MEPCE: variants seen among roughly 807,000 people sequenced by gnomAD.
MEPCE encodes the protein methylphosphate capping enzyme.
A neutral mutation model predicts 52.3 loss-of-function variants in MEPCE; 9 were observed. The ratio of observed to expected loss-of-function variants is 0.17; its 90% CI spans 0.10 to 0.30. The LOEUF is 0.30. Among genes scored for constraint, MEPCE ranks in the 10% least tolerant of loss-of-function variants. MEPCE has a pLI of 1.00. For missense variants in MEPCE, 826 were observed against 933.0 expected (o/e 0.89, Z 1.49); for synonymous variants, 477 against 401.6 (o/e 1.19, Z -2.25).
Position 100,431,419 on chromosome 7 carries a change from G to A in MEPCE, c.1401G>A (p.Pro467=). Residue 467 remains proline, a synonymous_variant, in exon 1 of 4, where the codon CCG becomes CCA. Transcript: ENST00000310512. ...LTLSIACKWG[P]SRMVGLDIDS... is the part of the protein sequence containing the mutation. ...TGAGCATTGCCTGCAAGTGGGGCCCGTCCCGCATGGTGGGCCTGGATATCG... is the reference window on the plus strand; with the variant it reads ...TGAGCATTGCCTGCAAGTGGGGCCCATCCCGCATGGTGGGCCTGGATATCG... The A allele has an allele frequency of 1.2e-6, 2 of 1,614,076 alleles. No individual in the cohort carries two copies. The highest frequency in any genetic ancestry group is 2.2e-5 in the East Asian group (1 of 44,888).
intron 1 of MEPCE, 59 bp from the exon 2 acceptor site, chr7:100,432,860 C>G: frequency 6.5e-7 from 1 of 1,527,574 alleles, no homozygotes; most frequent in Non-Finnish European, 9.1e-7. Flanking sequence ...AGCAGGTTGC[C>G]TGGGAGCAGG....
Position 100,433,399 on chromosome 7 carries a change from G to A in MEPCE, c.2017+10G>A, listed in dbSNP as rs746037824. 2.5e-6 allele frequency: 4 copies of A among 1,614,186 alleles called. No individual in the cohort carries two copies. The South Asian group carries it at 4.4e-5, about 18-fold the overall frequency. ...CACAACACCTCTAAAGGTAAGGCTG[G>A]TTTATTTTGTCAGGGAGGCTGGTCC... On this transcript the variant is annotated intron_variant, in intron 3 of 3. Coordinates refer to ENST00000310512, the MANE Select transcript of MEPCE (RefSeq NM_019606.6).
At chr7:100,429,724 G>A (rs1798476748), upstream of MEPCE, 1 of 326,496 alleles carries the variant, frequency 3.1e-6, no homozygotes, top group Admixed American at 4.9e-5. Flanking sequence ...CCCGGGCGAA[G>A]GGAACGCGCG....
rs755704736 is a variant in MEPCE, at chr7:100,430,304, G to A, written c.286G>A (p.Gly96Arg). 8.0e-5 allele frequency: 113 copies of A among 1,418,732 alleles called. No individual in the cohort carries two copies. The African/African-American group carries it at 1.6e-3, about 20-fold the overall frequency. 87.9% of individuals were successfully genotyped at this position (1,418,732 alleles called of 1,614,324 possible). A position where few individuals can be genotyped will look rare whatever the true frequency, so the allele number is the denominator to read the frequency against. Residue 96 changes from glycine (G) to arginine (R), a missense_variant, in exon 1 of 4, where the codon GGG (glycine) becomes AGG (arginine). Gly to Arg is a moderately radical substitution (Grantham distance 125). Around this residue, in one of 7 missense-constraint regions of MEPCE, gnomAD observed 314 missense variants for 277.7 expected, o/e 1.13. Coordinates refer to ENST00000310512, the MANE Select transcript of MEPCE (RefSeq NM_019606.6). Reference sequence around the variant, plus strand: ...GGGCGGCCCCCAGGCGCAGTCGCATGGGGAGGCCCGCCTGTCGGATCCCCC... The same window carrying A: ...GGGCGGCCCCCAGGCGCAGTCGCATAGGGAGGCCCGCCTGTCGGATCCCCC... ...RGGGPQAQSH[G>R]EARLSDPPGR... is the part of the protein sequence containing the mutation.
At position 100,433,485 on chromosome 7, in the gene MEPCE, ACTCT is replaced by A; in HGVS notation, c.2018-11_2018-8del. ...GAGGTGCTGCCAACCCCTTCTGATC[ACTCT>A]CTCTCCCCTCAGGCTTCCAGCGTCC... On this transcript the variant is annotated splice_polypyrimidine_tract_variant and intron_variant, in intron 3 of 3. Coordinates refer to ENST00000310512, the MANE Select transcript of MEPCE (RefSeq NM_019606.6). 1 of 1,612,404 alleles carries A rather than the reference ACTCT, an allele frequency of 6.2e-7. No individual in the cohort carries two copies.
intron 3 of MEPCE, 23 bp downstream of exon 3, chr7:100,433,412 G>T: frequency 1.9e-6 from 3 of 1,614,142 alleles, no homozygotes; most frequent in Non-Finnish European, 2.5e-6. Context: ...TATTTTGTCA[G>T]GGAGGCTGGT....
chr7:100,432,003 A>G (rs897408558), intron 1 of MEPCE, among the ~76,000 whole-genome samples: 1 of 152,158 alleles, frequency 6.6e-6, no homozygotes, highest in Non-Finnish European at 1.5e-5. Context: ...GCTGCTGCTC[A>G]CTAGGGAATT....
chr7:100,428,915 A>C (rs1476715278), upstream of MEPCE: 2 of 152,322 alleles, frequency 1.3e-5, no homozygotes, highest in Non-Finnish European at 2.9e-5. Flanking sequence ...GGTGATTGCG[A>C]TTGGGGGAAG....
rs760546814 is a variant in MEPCE, at chr7:100,431,195, G to GGCCGCC, written c.1178_1183dup (p.Arg394_His395insArgArg). Reference sequence around the variant, plus strand: ...GGAAAAGGGCCGAGGGAGTTGGGGAGGCCGCCACCACCACCACCACCCACT... The same window carrying GGCCGCC: ...GGAAAAGGGCCGAGGGAGTTGGGGAGGCCGCCGCCGCCACCACCACCACCACCCACT... On this transcript the variant is annotated inframe_insertion, in exon 1 of 4. Transcript: ENST00000310512. The GGCCGCC allele has an allele frequency of 1.2e-6, 2 of 1,613,644 alleles. No homozygotes were observed. Among genetic ancestry groups the GGCCGCC allele is most frequent in the Non-Finnish European group, 1.7e-6 (2 of 1,180,010 alleles).
chr7:100,429,781 G>A (rs1425052361), upstream of MEPCE: 6 of 389,064 alleles, frequency 1.5e-5, no homozygotes, highest in East Asian at 2.2e-4. Context: ...GAGGAGAAAG[G>A]GGTCGGCGCA....
At position 100,433,790 on chromosome 7, in the gene MEPCE, C is replaced by T. The variant is rs1798794062; in HGVS notation, c.*236C>T. 6.9e-6 allele frequency: 4 copies of T among 578,914 alleles called. No homozygotes were observed. Among genetic ancestry groups the T allele is most frequent in the Non-Finnish European group, 9.2e-6 (3 of 326,390 alleles). 35.9% of individuals were successfully genotyped at this position (578,914 alleles called of 1,614,324 possible). A position where few individuals can be genotyped will look rare whatever the true frequency, so the allele number is the denominator to read the frequency against. ...CCATCATCTTCCTCTCCCCCAGCCTCCCAGGCTGGATGGCATGGACTGTTT... is the reference window on the plus strand; with the variant it reads ...CCATCATCTTCCTCTCCCCCAGCCTTCCAGGCTGGATGGCATGGACTGTTT... On this transcript the variant is annotated 3_prime_UTR_variant, in exon 4 of 4. Transcript: ENST00000310512.
Position 100,431,346 on chromosome 7 carries a change from G to A in MEPCE, c.1328G>A (p.Arg443Gln), listed in dbSNP as rs1287835105. The A allele has an allele frequency of 1.9e-6, 3 of 1,614,174 alleles. No homozygotes were observed. Among genetic ancestry groups the A allele is most frequent in the East Asian group, 4.5e-5 (2 of 44,892 alleles). ...CGGGTGTTGAAGCCTGAGTGGTTTC[G>A]GGGCCGGGACGTCCTAGATCTGGGC... ...RLRVLKPEWF[R>Q]GRDVLDLGCN... Residue 443 changes from arginine (R) to glutamine (Q), a missense_variant, in exon 1 of 4, where the codon CGG (arginine) becomes CAG (glutamine). Arg to Gln is a conservative substitution (Grantham distance 43). Coordinates refer to ENST00000310512, the MANE Select transcript of MEPCE (RefSeq NM_019606.6).
Position 100,430,984 on chromosome 7 carries a change from C to A in MEPCE, c.966C>A (p.Ile322=), listed in dbSNP as rs764533627. ...AACCCTATGAACTCAACACAGCCAT[C>A]AACTGCAGGGATGAAGTGGTGTCTC... ...APQPYELNTA[I]NCRDEVVSPL... The change falls in exon 1 of 4, where the codon ATC becomes ATA. Residue 322 remains isoleucine (I), a synonymous_variant. Transcript: ENST00000310512. 6.2e-7 allele frequency: 1 copy of A among 1,612,802 alleles called. No individual in the cohort carries two copies. The highest frequency in any genetic ancestry group is 1.3e-5 in the African/African-American group (1 of 75,026).
chr7:100,431,460 A>G lies in MEPCE; in HGVS notation c.1442A>G (p.His481Arg). 2.5e-6 allele frequency: 4 copies of G among 1,613,664 alleles called. No individual in the cohort carries two copies. The highest frequency in any genetic ancestry group is 1.3e-5 in the African/African-American group (1 of 74,994). ...VGLDIDSRLI[H>R]SARQNIRHYL... ...CTGGATATCGATTCCCGGCTCATCC[A>G]TTCTGCCCGCCAAAACATCCGACAC... The change falls in exon 1 of 4, where the codon CAT becomes CGT. Residue 481 changes from histidine to arginine, a missense_variant. This residue lies in a region of MEPCE where 107 missense variants were observed against 157.9 expected (regional missense o/e 0.68). Coordinates refer to ENST00000310512, the MANE Select transcript of MEPCE (RefSeq NM_019606.6).
At position 100,431,131 on chromosome 7, in the gene MEPCE, G is replaced by A; in HGVS notation, c.1113G>A (p.Lys371=). 1.2e-6 allele frequency: 2 copies of A among 1,613,766 alleles called. No homozygotes were observed. Among genetic ancestry groups the A allele is most frequent in the Non-Finnish European group, 1.7e-6 (2 of 1,180,034 alleles). Residue 371 remains lysine (K), a synonymous_variant, in exon 1 of 4, where the codon AAG becomes AAA. Coordinates refer to ENST00000310512, the MANE Select transcript of MEPCE (RefSeq NM_019606.6). Reference sequence around the variant, plus strand: ...GCAAACGTCGCAGGACTTCCAGCAAGTCGGAGGCAGGGGCTAGGGGTGGAG... The same window carrying A: ...GCAAACGTCGCAGGACTTCCAGCAAATCGGAGGCAGGGGCTAGGGGTGGAG... The part of the protein sequence containing the change: ...RHRKRRRTSS[K]SEAGARGGGQ...
In MEPCE at chr7:100,433,035, G is replaced by C. The variant is rs201435626; in HGVS notation, c.1788G>C (p.Leu596=). The C allele has an allele frequency of 6.2e-7, 1 of 1,614,066 alleles. No homozygotes were observed. Among genetic ancestry groups the C allele is most frequent in the Non-Finnish European group, 8.5e-7 (1 of 1,180,032 alleles). ...ATCTGAACTGGGGAGACGAGGGCCT[G>C]AAGCGCATGTTTCGCCGGATCTACC... The part of the protein sequence containing the change: ...WVHLNWGDEG[L]KRMFRRIYRH... The change falls in exon 2 of 4, where the codon CTG becomes CTC. Residue 596 remains leucine (L), a synonymous_variant. Coordinates refer to ENST00000310512, the MANE Select transcript of MEPCE (RefSeq NM_019606.6).
chr7:100,431,852 TG>T (rs1180515320), intron 1 of MEPCE, among the ~76,000 whole-genome samples, 163 bp downstream of exon 1: 1 of 152,098 alleles, frequency 6.6e-6, no homozygotes, highest in Non-Finnish European at 1.5e-5. Flanking sequence ...CCTGGAAAGG[TG>T]GGGTGTCTAC....
Position 100,433,887 on chromosome 7 carries a change from C to CTAGCCCTTCTATT in MEPCE, c.*333_*334insTAGCCCTTCTATT. ...TTCTCTAGCCCTTTCCTCCTATTCT[C>CTAGCCCTTCTATT]CCAAGGAGAGAGATTCCCATTTCTC... is the stretch of plus-strand genomic sequence containing the variant. On this transcript the variant is annotated 3_prime_UTR_variant, in exon 4 of 4. Coordinates refer to ENST00000310512, the MANE Select transcript of MEPCE (RefSeq NM_019606.6). The CTAGCCCTTCTATT allele has an allele frequency of 5.8e-6, 2 of 343,082 alleles. No individual in the cohort carries two copies. The highest frequency in any genetic ancestry group is 4.4e-5 in the South Asian group (1 of 22,780). The allele number at this position is 343,082 out of a possible 1,614,324, so 21.3% of individuals were successfully genotyped here. A position where few individuals can be genotyped will look rare whatever the true frequency, so the allele number is the denominator to read the frequency against.
At chr7:100,433,410 C>T (rs761304401) in intron 3 of MEPCE, 21 bp downstream of exon 3, 1 of 1,614,146 alleles carries the variant, frequency 6.2e-7, no homozygotes, top group East Asian at 2.2e-5. Flanking sequence ...TTTATTTTGT[C>T]AGGGAGGCTG....
Sources: gnomAD v4.1 joint callset for allele counts (sites outside exome capture counted in the v4.1 genomes callset) on GRCh38, gnomAD v4.1.1 for gene constraint, gnomAD v4.1.1 regional missense constraint, MANE v1.5 for transcripts, NCBI Gene and HGNC (gene_info 2026-07-23, HGNC 2026-07-21) for gene names.